Variants in ZBTB7C observed in about 807,000 individuals in gnomAD.
The protein encoded by ZBTB7C is zinc finger and BTB domain-containing protein 7C.
Under a neutral mutation model 25.7 loss-of-function variants are expected in ZBTB7C, and 8 were observed. The observed-to-expected ratio is 0.31, with a 90% CI of 0.18 to 0.56. ZBTB7C has a LOEUF of 0.56. Among genes scored for constraint, ZBTB7C ranks in the 20% least tolerant of loss-of-function variants. ZBTB7C has a pLI of 0.91. For synonymous variants in ZBTB7C, 394 were observed against 369.0 expected (o/e 1.07, Z -0.78); for missense variants, 824 against 855.2 (o/e 0.96, Z 0.46).
At chr18:48,262,077 G>A (rs1220111085) in intron 2 of ZBTB7C, among the ~76,000 whole-genome samples, 1 of 152,190 alleles carries the variant, frequency 6.6e-6, no homozygotes, top group Non-Finnish European at 1.5e-5. Context: ...AGTCACAGGA[G>A]TATGTGAAGA....
chr18:48,297,783 C>T (rs756950596), intron 2 of ZBTB7C, among the ~76,000 whole-genome samples: 5 of 152,188 alleles, frequency 3.3e-5, no homozygotes, highest in Admixed American at 6.5e-5. Flanking sequence ...ATGAAGTCTC[C>T]TTCTGTTTAC....
intron 2 of ZBTB7C, among the ~76,000 whole-genome samples, chr18:48,269,732 T>A (rs919431427): frequency 6.6e-6 from 1 of 152,182 alleles, no homozygotes; most frequent in Non-Finnish European, 1.5e-5. Flanking sequence ...AGGAGACTCC[T>A]GGGAGCTGAG....
chr18:48,035,573 G>GCCGGGCCCAGGT (rs1281650324), intron 4 of ZBTB7C, among the ~76,000 whole-genome samples: 3 of 152,368 alleles, frequency 2.0e-5, no homozygotes, highest in Middle Eastern at 3.4e-3. Flanking sequence ...AGGGCCCAGG[G>GCCGGGCCCAGGT]CCAGGCCCAG....
chr18:48,099,622 A>G (rs2038760143), intron 3 of ZBTB7C, among the ~76,000 whole-genome samples: 1 of 152,224 alleles, frequency 6.6e-6, no homozygotes. Context: ...TTGGTACTTA[A>G]GTGTGACTCC....
In ZBTB7C at chr18:48,222,264, T is replaced by C. The variant is rs139184694; in HGVS notation, c.-78-36269A>G. Among the ~76,000 whole-genome samples, 674 of 152,280 alleles carry C rather than the reference T, an allele frequency of 4.4e-3. 7 individuals are homozygous for C. Among genetic ancestry groups the C allele is most frequent in the African/African-American group, 0.016 (648 of 41,554 alleles). ...TAGGAAAGCATCCTGTGAACCCGGATACTGCGAAAGCTGCCTATGAAACCG... is the reference window on the plus strand; with the variant it reads ...TAGGAAAGCATCCTGTGAACCCGGACACTGCGAAAGCTGCCTATGAAACCG... On this transcript the variant is annotated intron_variant, in intron 2 of 4. Coordinates refer to ENST00000590800, the MANE Select transcript of ZBTB7C (RefSeq NM_001318841.2).
intron 1 of ZBTB7C, among the ~76,000 whole-genome samples, chr18:48,346,362 T>C (rs2046730659): frequency 6.6e-6 from 1 of 152,212 alleles, no homozygotes; most frequent in Non-Finnish European, 1.5e-5. Context: ...CCCTTCCTCA[T>C]AGTCAGTCTC....
At chr18:48,236,208 A>G (rs371889622) in intron 2 of ZBTB7C, among the ~76,000 whole-genome samples, 5 of 152,164 alleles carry the variant, frequency 3.3e-5, no homozygotes, top group African/African-American at 1.2e-4. Flanking sequence ...ACATTTTCCC[A>G]TACTTCTCAT....
chr18:48,039,356 C>CACACA (rs1374404471), intron 4 of ZBTB7C, among the ~76,000 whole-genome samples: 2 of 152,208 alleles, frequency 1.3e-5, no homozygotes, highest in Non-Finnish European at 2.9e-5. Flanking sequence ...TGCACACATG[C>CACACA]TTGGTCAGCT....
intron 2 of ZBTB7C, among the ~76,000 whole-genome samples, chr18:48,230,289 G>A (rs1004213575): frequency 1.4e-4 from 21 of 152,170 alleles, no homozygotes; most frequent in African/African-American, 5.1e-4. Context: ...ACTAGTTTCA[G>A]CAGTGTTTGC....
intron 3 of ZBTB7C, among the ~76,000 whole-genome samples, chr18:48,159,305 T>C (rs894492271): frequency 6.6e-6 from 1 of 152,178 alleles, no homozygotes. Flanking sequence ...CAACCTCAGT[T>C]TCCTTGTCTT....
chr18:48,362,877 C>T (rs182367130), intron 1 of ZBTB7C, among the ~76,000 whole-genome samples: 1 of 152,172 alleles, frequency 6.6e-6, no homozygotes, highest in African/African-American at 2.4e-5. Context: ...TACCAGGACA[C>T]AACTGAGAAC....
At chr18:48,132,214 T>A (rs1334622023) in intron 3 of ZBTB7C, among the ~76,000 whole-genome samples, 1 of 152,216 alleles carries the variant, frequency 6.6e-6, no homozygotes, top group African/African-American at 2.4e-5. Flanking sequence ...ATATGGTGTA[T>A]CTATACAAGG....
intron 2 of ZBTB7C, among the ~76,000 whole-genome samples, chr18:48,232,103 G>A (rs575736639): frequency 7.2e-5 from 11 of 152,348 alleles, no homozygotes; most frequent in African/African-American, 2.4e-4. Context: ...CAGGCTGAGT[G>A]GGCAAAACGA....
At chr18:48,296,307 T>G (rs2045389935) in intron 2 of ZBTB7C, among the ~76,000 whole-genome samples, 1 of 152,162 alleles carries the variant, frequency 6.6e-6, no homozygotes, top group Admixed American at 6.5e-5. Context: ...CTAGGCTCCC[T>G]TTCTGTGCCC....
At chr18:48,056,937 A>G (rs2036934964) in intron 3 of ZBTB7C, among the ~76,000 whole-genome samples, 1 of 151,982 alleles carries the variant, frequency 6.6e-6, no homozygotes, top group South Asian at 2.1e-4. Flanking sequence ...CAAGACACAA[A>G]CAAACTGAAG....
intron 2 of ZBTB7C, among the ~76,000 whole-genome samples, chr18:48,245,820 T>C (rs979785550): frequency 6.6e-5 from 10 of 152,122 alleles, no homozygotes; most frequent in African/African-American, 2.4e-4. Context: ...AACAAGGAGA[T>C]GAAACTGACA....
intron 2 of ZBTB7C, among the ~76,000 whole-genome samples, chr18:48,300,196 C>T (rs147049919): frequency 6.6e-6 from 1 of 152,288 alleles, no homozygotes; most frequent in East Asian, 1.9e-4. Flanking sequence ...GAATCAGACT[C>T]CCTCGGGGTG....
chr18:48,041,219 G>T, intron 3 of ZBTB7C, 96 bp from the exon 4 acceptor site: 1 of 1,454,628 alleles, frequency 6.9e-7, no homozygotes, highest in East Asian at 2.4e-5. Context: ...TGGCATAAGG[G>T]CTCCCTGTCC....
chr18:48,255,765 T>C (rs1431529484), intron 2 of ZBTB7C, among the ~76,000 whole-genome samples: 1 of 152,154 alleles, frequency 6.6e-6, no homozygotes, highest in Non-Finnish European at 1.5e-5. Flanking sequence ...GTTGCCCAAT[T>C]CTAGATTGAA....
Sources: gnomAD v4.1 joint callset for allele counts (sites outside exome capture counted in the v4.1 genomes callset) on GRCh38, gnomAD v4.1.1 for gene constraint, MANE v1.5 for transcripts, NCBI Gene and HGNC (gene_info 2026-07-23, HGNC 2026-07-21) for gene names.